Variants in DOCK8 observed in about 807,000 individuals in gnomAD.
DOCK8 encodes dedicator of cytokinesis protein 8.
Under a neutral mutation model 245.6 loss-of-function variants are expected in DOCK8, and 141 were observed. The ratio of observed to expected loss-of-function variants is 0.57; its 90% CI spans 0.50 to 0.66. The LOEUF (loss-of-function observed/expected upper bound fraction) is 0.66. DOCK8 is among the 30% of genes least tolerant of loss of function. The pLI, the probability that DOCK8 is intolerant of heterozygous loss-of-function variation, is 0.00. For synonymous variants in DOCK8, 1,168 were observed against 970.2 expected (o/e 1.20, Z -3.79); for missense variants, 2,965 against 2,603.4 (o/e 1.14, Z -3.02).
intron 26 of DOCK8, among the ~76,000 whole-genome samples, chr9:399,997 T>TCCACCATCACCA (rs1554691485): frequency 1.7e-5 from 1 of 57,898 alleles, no homozygotes; most frequent in African/African-American, 8.2e-5. Context: ...TCCCACCACC[T>TCCACCATCACCA]CCACCACCTC....
chr9:436,946 A>G (rs955221), intron 39 of DOCK8, among the ~76,000 whole-genome samples: 3,361 of 152,302 alleles, frequency 0.022, 138 homozygotes, highest in South Asian at 0.085. Context: ...GGAAGGGTGA[A>G]GAAGGTGAAA....
At chr9:327,959 A>T in intron 8 of DOCK8, 63 bp from the exon 9 acceptor site, 2 of 1,521,118 alleles carry the variant, frequency 1.3e-6, no homozygotes. Context: ...ACTCCTTTTT[A>T]ACATGTTTAA....
chr9:257,293 C>A (rs1432795931), intron 1 of DOCK8, among the ~76,000 whole-genome samples: 1 of 152,120 alleles, frequency 6.6e-6, no homozygotes, highest in South Asian at 2.1e-4. Context: ...AAATGGATGT[C>A]TGTTAGAATC....
chr9:242,988 GT>G (rs1308170871), intron 1 of DOCK8, among the ~76,000 whole-genome samples: 1 of 152,102 alleles, frequency 6.6e-6, no homozygotes, highest in Admixed American at 6.6e-5. Context: ...GATTTTAAGA[GT>G]TTTTTCTATC....
intron 2 of DOCK8, among the ~76,000 whole-genome samples, chr9:278,749 A>G (rs1458023112): frequency 2.6e-5 from 4 of 152,234 alleles, no homozygotes; most frequent in African/African-American, 7.2e-5. Context: ...GACGTGCTCC[A>G]GAAGCAGCAA....
intron 19 of DOCK8, 130 bp downstream of exon 19, chr9:376,435 G>C (rs568590063): frequency 1.6e-5 from 12 of 767,130 alleles, no homozygotes; most frequent in Non-Finnish European, 2.8e-5. Flanking sequence ...GTTCTTTGTG[G>C]GGACATGCAA....
At chr9:420,282 C>T (rs1245181336) in intron 30 of DOCK8, 119 bp from the exon 31 acceptor site, 1 of 1,076,524 alleles carries the variant, frequency 9.3e-7, no homozygotes. Context: ...CAGTGATGTA[C>T]AGTCATGGTA....
chr9:430,496 A>G (rs2131721012), intron 36 of DOCK8, among the ~76,000 whole-genome samples: 1 of 152,178 alleles, frequency 6.6e-6, no homozygotes, highest in Admixed American at 6.5e-5. Flanking sequence ...AGCCTGGCCA[A>G]CATGGTGAAA....
chr9:403,473 T>A (rs568976879), intron 26 of DOCK8, among the ~76,000 whole-genome samples: 6 of 152,326 alleles, frequency 3.9e-5, no homozygotes, highest in African/African-American at 1.4e-4. Flanking sequence ...TAAAATAATA[T>A]ATAATGGCAT....
At chr9:269,715 C>A (rs568383184) in intron 1 of DOCK8, among the ~76,000 whole-genome samples, 1 of 151,988 alleles carries the variant, frequency 6.6e-6, no homozygotes, top group Non-Finnish European at 1.5e-5. Flanking sequence ...GCCACCACAC[C>A]TGGCTAATTT....
intron 39 of DOCK8, among the ~76,000 whole-genome samples, chr9:435,739 TG>T (rs1363708785): frequency 6.6e-6 from 1 of 152,204 alleles, no homozygotes; most frequent in Non-Finnish European, 1.5e-5. Context: ...ACCTAAAAGC[TG>T]GCTCGGATGG....
chr9:423,026 T>A (rs77314581), intron 33 of DOCK8, among the ~76,000 whole-genome samples: 1 of 149,954 alleles, frequency 6.7e-6, no homozygotes, highest in Non-Finnish European at 1.5e-5. Context: ...TCTGATGACA[T>A]ATAGTCAATG....
intron 4 of DOCK8, among the ~76,000 whole-genome samples, chr9:291,011 A>C (rs911518929): frequency 1.3e-5 from 2 of 152,240 alleles, no homozygotes; most frequent in African/African-American, 4.8e-5. Flanking sequence ...AAATGAATGG[A>C]AAACAAAGTT....
intron 46 of DOCK8, among the ~76,000 whole-genome samples, chr9:454,120 G>A (rs1448883643): frequency 2.0e-5 from 3 of 152,300 alleles, no homozygotes; most frequent in African/African-American, 4.8e-5. Flanking sequence ...TTTGTGGGAG[G>A]CGTTATGGAA....
At chr9:409,577 G>A (rs990709364) in intron 28 of DOCK8, among the ~76,000 whole-genome samples, 1 of 151,826 alleles carries the variant, frequency 6.6e-6, no homozygotes. Context: ...TTTAAATCTG[G>A]ATTCTTTTTT....
chr9:274,375 T>C (rs1395472787), intron 2 of DOCK8, among the ~76,000 whole-genome samples: 1 of 152,198 alleles, frequency 6.6e-6, no homozygotes, highest in African/African-American at 2.4e-5. Context: ...CTGAATCTCT[T>C]TTCCCATCTC....
At chr9:440,059 C>G (rs2057042229) in intron 40 of DOCK8, among the ~76,000 whole-genome samples, 1 of 152,118 alleles carries the variant, frequency 6.6e-6, no homozygotes, top group Non-Finnish European at 1.5e-5. Flanking sequence ...AGCTCTGTCG[C>G]CCAGGCTGGA....
intron 16 of DOCK8, among the ~76,000 whole-genome samples, chr9:371,137 T>G (rs1398524898): frequency 6.6e-6 from 1 of 152,186 alleles, no homozygotes; most frequent in Non-Finnish European, 1.5e-5. Context: ...TTTCTTCAAA[T>G]TAAGTTGTTG....
intron 39 of DOCK8, among the ~76,000 whole-genome samples, chr9:436,308 A>C (rs990351917): frequency 1.3e-5 from 2 of 152,266 alleles, no homozygotes; most frequent in African/African-American, 4.8e-5. Context: ...CCAAAAGCAT[A>C]AAAATAACAC....
Sources: gnomAD v4.1 joint callset for allele counts (sites outside exome capture counted in the v4.1 genomes callset) on GRCh38, gnomAD v4.1.1 for gene constraint, MANE v1.5 for transcripts, NCBI Gene and HGNC (gene_info 2026-07-23, HGNC 2026-07-21) for gene names.